The following ZNF202 variants were observed in gnomAD, a reference collection of about 807,000 sequenced individuals.
ZNF202 encodes zinc finger protein 202, also known as zinc finger protein with KRAB and SCAN domains 10.
In ZNF202, 22 loss-of-function variants were observed where a neutral mutation model predicts 54.5. That is an observed-to-expected ratio of 0.40 (90% confidence interval 0.29 to 0.58). ZNF202 has a LOEUF of 0.58. ZNF202 is among the 20% of genes least tolerant of loss of function. The pLI is 0.39. For synonymous variants in ZNF202, 294 were observed against 301.4 expected, an observed-to-expected ratio of 0.98 and a Z score of 0.26; for missense variants, 644 against 805.5, an observed-to-expected ratio of 0.80 and a Z score of 2.43.
chr11:123,737,147 C>T (rs1196019066), intron 3 of ZNF202, among the ~76,000 whole-genome samples: 1 of 151,986 alleles, frequency 6.6e-6, no homozygotes, highest in Non-Finnish European at 1.5e-5. Flanking sequence ...GTTCTCCCAC[C>T]GAAGACCATA....
chr11:123,738,091 A>G (rs1861705858), intron 3 of ZNF202, among the ~76,000 whole-genome samples: 1 of 152,174 alleles, frequency 6.6e-6, no homozygotes, highest in Non-Finnish European at 1.5e-5. Flanking sequence ...AACTCACTGC[A>G]ATCTCTGCCT....
chr11:123,728,002 T>C, intron 7 of ZNF202, 131 bp downstream of exon 7: 1 of 1,040,046 alleles, frequency 9.6e-7, no homozygotes, highest in Non-Finnish European at 1.4e-6. Context: ...ACCTAATCCC[T>C]CAATTTTATT....
chr11:123,727,345 C>G, intron 8 of ZNF202, 131 bp downstream of exon 8: 2 of 1,288,790 alleles, frequency 1.6e-6, no homozygotes, highest in Non-Finnish European at 2.1e-6. Flanking sequence ...AAATGGCTGT[C>G]AGAGGGAGAA....
chr11:123,726,958 T>C lies in ZNF202; in HGVS notation c.986A>G (p.Glu329Gly). The change falls in exon 9 of 9, where the codon GAG becomes GGG. Residue 329 changes from glutamate (E) to glycine (G), a missense_variant. Glu to Gly is a moderately conservative substitution (Grantham distance 98, BLOSUM62 -2). This residue lies in a region of ZNF202 where 536 missense variants were observed against 635.3 expected (regional missense o/e 0.84). Transcript: ENST00000530393. This position sits in a 1 kb window ranked among gnomAD's most constrained non-coding sequence, Gnocchi z 6.0. ...ATCCTCCAAACTCAGATCTTCCTGC[T>C]CCAGACACTCTTCCTCATCTTTACT... The part of the protein sequence containing the change: ...DRSKDEEECL[E>G]QEDLSLEDIH... 6.2e-7 allele frequency: 1 copy of C among 1,613,500 alleles called. No homozygotes were observed. The highest frequency in any genetic ancestry group is 8.5e-7 in the Non-Finnish European group (1 of 1,179,932).
chr11:123,734,948 C>G (rs1312776627), intron 3 of ZNF202, among the ~76,000 whole-genome samples: 1 of 152,100 alleles, frequency 6.6e-6, no homozygotes, highest in African/African-American at 2.4e-5. Context: ...AACCACAACT[C>G]ATCACAAGGA....
intron 3 of ZNF202, among the ~76,000 whole-genome samples, chr11:123,736,259 C>G (rs946293896): frequency 1.3e-5 from 2 of 152,140 alleles, no homozygotes. Context: ...TTTCTGGACC[C>G]TAAATGACAA....
rs1861817827 is a variant in ZNF202, at chr11:123,740,555, G to A, written c.-293-19C>T. On this transcript the variant is annotated intron_variant, in intron 1 of 8. Transcript: ENST00000530393. Reference sequence around the variant, plus strand: ...GTGTCACCTGCAGAGCGTGGATAGAGAAAAAGCAACAGTTCTAAGCCCAGC... The same window carrying A: ...GTGTCACCTGCAGAGCGTGGATAGAAAAAAAGCAACAGTTCTAAGCCCAGC... 6.6e-6 allele frequency: 1 copy of A among 152,262 alleles called. No homozygotes were observed. Among genetic ancestry groups the A allele is most frequent in the Admixed American group, 6.5e-5 (1 of 15,288 alleles). 9.4% of individuals were successfully genotyped at this position (152,262 alleles called of 1,614,324 possible).
Position 123,723,997 on chromosome 11 carries a change from G to C in ZNF202, c.*2000C>G, listed in dbSNP as rs544374769. Among the ~76,000 whole-genome samples, 1 of 152,318 alleles carries C rather than the reference G, an allele frequency of 6.6e-6. No homozygotes were observed. Among genetic ancestry groups the C allele is most frequent in the East Asian group, 1.9e-4 (1 of 5,192 alleles). On this transcript the variant is annotated 3_prime_UTR_variant, in exon 9 of 9. Transcript: ENST00000530393. ...ATTAAAAAGTCAATTTGTTGTCACT[G>C]CCAGTATTTTACCAACCTTTATAAA...
At chr11:123,738,128 C>T (rs1358698193) in intron 3 of ZNF202, among the ~76,000 whole-genome samples, 1 of 152,182 alleles carries the variant, frequency 6.6e-6, no homozygotes. Flanking sequence ...CCTCCCACCC[C>T]AGCCTCCTAA....
chr11:123,734,368 A>G (rs1310222048), intron 3 of ZNF202, among the ~76,000 whole-genome samples: 2 of 152,096 alleles, frequency 1.3e-5, no homozygotes, highest in Non-Finnish European at 2.9e-5. Context: ...GGTCCCTGCT[A>G]CCTCTCCTTC....
chr11:123,726,949 T>C lies in ZNF202; in HGVS notation c.995A>G (p.Asp332Gly), dbSNP rs1861175641. ...CCTGTGTATATCCTCCAAACTCAGA[T>C]CTTCCTGCTCCAGACACTCTTCCTC... ...KDEEECLEQE[D>G]LSLEDIHRPV... The change falls in exon 9 of 9, where the codon GAT becomes GGT. Residue 332 changes from aspartate to glycine, a missense_variant. By Grantham distance (94) the Asp-to-Gly change is moderately conservative. Transcript: ENST00000530393. The surrounding 1 kb of genome is among the most constrained non-coding windows in gnomAD (Gnocchi z 6.0). The C allele has an allele frequency of 6.2e-7, 1 of 1,613,760 alleles. No homozygotes were observed. The highest frequency in any genetic ancestry group is 8.5e-7 in the Non-Finnish European group (1 of 1,179,982).
In ZNF202 at chr11:123,725,034, C is replaced by T. The variant is rs1353117799; in HGVS notation, c.*963G>A. 2 of 152,208 alleles carry T rather than the reference C, an allele frequency of 1.3e-5. No homozygotes were observed. The highest frequency in any genetic ancestry group is 4.8e-5 in the African/African-American group (2 of 41,450). 9.4% of individuals were successfully genotyped at this position (152,208 alleles called of 1,614,324 possible). A position where few individuals can be genotyped will look rare whatever the true frequency, so the allele number is the denominator to read the frequency against. The stretch of plus-strand genomic sequence containing the variant: ...AGTGCCTTTGTAAGTTGACAGTTTC[C>T]AAATCCCCTTACTCATACGACCCCT... On this transcript the variant is annotated 3_prime_UTR_variant, in exon 9 of 9. Coordinates refer to ENST00000530393, the MANE Select transcript of ZNF202 (RefSeq NM_003455.4).
intron 8 of ZNF202, 67 bp downstream of exon 8, chr11:123,727,409 A>G: frequency 6.2e-7 from 1 of 1,601,998 alleles, no homozygotes; most frequent in Non-Finnish European, 8.5e-7. Flanking sequence ...CCCTACAGAG[A>G]GAGAGAAGCA....
rs764685586 is a variant in ZNF202, at chr11:123,726,994, G to A, written c.953-3C>T. The A allele has an allele frequency of 1.2e-6, 2 of 1,604,460 alleles. No individual in the cohort carries two copies. Among genetic ancestry groups the A allele is most frequent in the Non-Finnish European group, 1.7e-6 (2 of 1,175,850 alleles). Reference sequence around the variant, plus strand: ...TTCCTCATCTTTACTCCTATCTCCTGTAGAAAGGGTGAGAGGAAAAAGGGG... The same window carrying A: ...TTCCTCATCTTTACTCCTATCTCCTATAGAAAGGGTGAGAGGAAAAAGGGG... On this transcript the variant is annotated splice_polypyrimidine_tract_variant and splice_region_variant and intron_variant, in intron 8 of 8. Coordinates refer to ENST00000530393, the MANE Select transcript of ZNF202 (RefSeq NM_003455.4). The surrounding 1 kb of genome is among the most constrained non-coding windows in gnomAD (Gnocchi z 6.0).
At position 123,726,257 on chromosome 11, in the gene ZNF202, C is replaced by CCCGCA; in HGVS notation, c.1686_1687insTGCGG (p.Glu563CysfsTer24). 1 of 1,614,224 alleles carries CCCGCA rather than the reference C, an allele frequency of 6.2e-7. No individual in the cohort carries two copies. On this transcript the variant is annotated frameshift_variant, in exon 9 of 9. Coordinates refer to ENST00000530393, the MANE Select transcript of ZNF202 (RefSeq NM_003455.4). LOFTEE classifies it high-confidence loss of function. The surrounding 1 kb of genome is among the most constrained non-coding windows in gnomAD (Gnocchi z 6.0). ...CCGCACTCGCTGCAGAGGTAGAGTT[C>CCCGCA]CTCAGCAGCGTGCGTCTTCCGGTGC... is the stretch of plus-strand genomic sequence containing the variant.
chr11:123,736,293 C>T (rs1360648384), intron 3 of ZNF202, among the ~76,000 whole-genome samples: 1 of 152,158 alleles, frequency 6.6e-6, no homozygotes, highest in Non-Finnish European at 1.5e-5. Context: ...ATACCATCAA[C>T]CTAAAGGAGA....
In ZNF202 at chr11:123,741,634, C is replaced by T. The variant is rs529794642; in HGVS notation, c.-379G>A. The T allele has an allele frequency of 2.6e-5, 4 of 152,718 alleles. No homozygotes were observed. Among genetic ancestry groups the T allele is most frequent in the Non-Finnish European group, 4.4e-5 (3 of 68,094 alleles). 9.5% of individuals were successfully genotyped at this position (152,718 alleles called of 1,614,324 possible). A position where few individuals can be genotyped will look rare whatever the true frequency, so the allele number is the denominator to read the frequency against. Reference sequence around the variant, plus strand: ...CGAAACAGCGCCGCCGGATCCGAGCCGCGCGGGGCCTAGCGGGTCGGAACA... The same window carrying T: ...CGAAACAGCGCCGCCGGATCCGAGCTGCGCGGGGCCTAGCGGGTCGGAACA... On this transcript the variant is annotated 5_prime_UTR_variant, in exon 1 of 9. Coordinates refer to ENST00000530393, the MANE Select transcript of ZNF202 (RefSeq NM_003455.4).
In ZNF202 at chr11:123,724,741, T is replaced by A. The variant is rs1414918122; in HGVS notation, c.*1256A>T. 6.6e-6 allele frequency: 1 copy of A among 152,210 alleles called. No individual in the cohort carries two copies. Among genetic ancestry groups the A allele is most frequent in the Admixed American group, 6.5e-5 (1 of 15,292 alleles). The allele number at this position is 152,210 out of a possible 1,614,324, so 9.4% of individuals were successfully genotyped here. A position where few individuals can be genotyped will look rare whatever the true frequency, so the allele number is the denominator to read the frequency against. On this transcript the variant is annotated 3_prime_UTR_variant, in exon 9 of 9. Transcript: ENST00000530393. The stretch of plus-strand genomic sequence containing the variant: ...CATGAGATGCTACTTTCTAGCTCTA[T>A]GAACATAAAATCACGTAAGAAAAAG...
intron 3 of ZNF202, among the ~76,000 whole-genome samples, chr11:123,735,301 A>G (rs188050783): frequency 1.2e-4 from 19 of 152,292 alleles, no homozygotes. Context: ...CACAGTATGG[A>G]TCCTACAACG....
Sources: allele counts gnomAD v4.1 joint callset (sites outside exome capture counted in the v4.1 genomes callset), GRCh38; gene constraint gnomAD v4.1.1; regional missense constraint gnomAD v4.1.1; non-coding constraint Gnocchi (gnomAD v3.1); transcripts MANE v1.5; gene names NCBI Gene and HGNC (gene_info 2026-07-23, HGNC 2026-07-21).